Variants in OSBPL8 observed in about 807,000 individuals in gnomAD.
OSBPL8 encodes the protein oxysterol-binding protein-related protein 8.
A neutral mutation model predicts 125.5 loss-of-function variants in OSBPL8; 59 were observed. The ratio of observed to expected loss-of-function variants is 0.47; its 90% CI spans 0.38 to 0.58. The LOEUF is 0.58. Ranked by LOEUF, OSBPL8 falls within the 20% of genes least tolerant of loss-of-function variation. OSBPL8 has a pLI of 0.00. For missense variants in OSBPL8, 758 were observed against 1,047.8 expected (o/e 0.72, Z 3.82); for synonymous variants, 330 against 338.9 (o/e 0.97, Z 0.29).
At chr12:76,390,170 T>C in intron 11 of OSBPL8, 1 of 451,958 alleles carries the variant, frequency 2.2e-6, no homozygotes, top group Non-Finnish European at 3.9e-6. Context: ...CATCAAGCAA[T>C]ATCCTACTTC....
rs141075210 is a variant in OSBPL8, at chr12:76,410,344, C to T, written c.288+220G>A. 6.0e-4 allele frequency among the ~76,000 whole-genome samples: 92 copies of T among 152,174 alleles called. 1 individual carries two copies. The highest frequency in any genetic ancestry group is 2.1e-3 in the South Asian group (10 of 4,824). The stretch of plus-strand genomic sequence containing the variant: ...AGCAGAGATACCAGAAACAGTATTA[C>T]TCTGGCAGGAAAACTGGTTACCAAT... On this transcript the variant is annotated intron_variant, in intron 5 of 23. Coordinates refer to ENST00000261183, the MANE Select transcript of OSBPL8 (RefSeq NM_020841.5).
At chr12:76,469,414 G>A (rs1875849879) in intron 2 of OSBPL8, among the ~76,000 whole-genome samples, 1 of 152,074 alleles carries the variant, frequency 6.6e-6, no homozygotes, top group African/African-American at 2.4e-5. Context: ...TTATCAGGTC[G>A]GATTGCAGGG....
At chr12:76,466,732 G>T (rs1795893826) in intron 2 of OSBPL8, among the ~76,000 whole-genome samples, 2 of 152,174 alleles carry the variant, frequency 1.3e-5, no homozygotes, top group South Asian at 4.1e-4. Context: ...GCCGAAGCGG[G>T]TGGATCATTT....
chr12:76,550,354 A>G (rs1275980217), intron 1 of OSBPL8, among the ~76,000 whole-genome samples: 4 of 152,196 alleles, frequency 2.6e-5, no homozygotes, highest in Non-Finnish European at 5.9e-5. Context: ...ATCTAAGCAC[A>G]TTATCTGGCT....
intron 1 of OSBPL8, among the ~76,000 whole-genome samples, chr12:76,494,188 G>A (rs1330380880): frequency 6.6e-6 from 1 of 152,058 alleles, no homozygotes; most frequent in African/African-American, 2.4e-5. Context: ...CATTCCTTTG[G>A]TGGTGTTATG....
At chr12:76,533,577 A>G (rs906120107) in intron 1 of OSBPL8, among the ~76,000 whole-genome samples, 1 of 152,202 alleles carries the variant, frequency 6.6e-6, no homozygotes, top group Admixed American at 6.5e-5. Flanking sequence ...ACAAGTGATG[A>G]CCAGCCCTCC....
chr12:76,418,954 G>A (rs1205503948), intron 4 of OSBPL8, among the ~76,000 whole-genome samples: 1 of 151,970 alleles, frequency 6.6e-6, no homozygotes, highest in African/African-American at 2.4e-5. Flanking sequence ...ATAAATATTA[G>A]GCTGGGCATG....
chr12:76,411,128 A>C (rs759639431), intron 4 of OSBPL8, among the ~76,000 whole-genome samples: 4 of 152,196 alleles, frequency 2.6e-5, no homozygotes, highest in Non-Finnish European at 5.9e-5. Flanking sequence ...GTTTTTGCAC[A>C]TAGCATACAT....
intron 19 of OSBPL8, 103 bp downstream of exon 19, chr12:76,371,345 T>G: frequency 7.9e-7 from 1 of 1,259,534 alleles, no homozygotes; most frequent in Non-Finnish European, 1.1e-6. Flanking sequence ...ACTATTTTGC[T>G]GAATTAAGAT....
At chr12:76,481,894 T>C (rs1444690860) in intron 2 of OSBPL8, among the ~76,000 whole-genome samples, 1 of 152,232 alleles carries the variant, frequency 6.6e-6, no homozygotes, top group East Asian at 1.9e-4. Flanking sequence ...CTTCTTAGAA[T>C]ACGATTTAAG....
At chr12:76,477,537 AG>A (rs1876956441) in intron 2 of OSBPL8, among the ~76,000 whole-genome samples, 1 of 152,218 alleles carries the variant, frequency 6.6e-6, no homozygotes, top group Non-Finnish European at 1.5e-5. Flanking sequence ...AAAACAGTCA[AG>A]GTTCATTCAA....
intron 1 of OSBPL8, among the ~76,000 whole-genome samples, chr12:76,530,881 A>G (rs1193788557): frequency 2.0e-5 from 3 of 152,374 alleles, no homozygotes; most frequent in Non-Finnish European, 2.9e-5. Flanking sequence ...TAGACTGAAG[A>G]TCTTCCACTT....
chr12:76,426,631 G>C (rs1015713757), intron 4 of OSBPL8, among the ~76,000 whole-genome samples: 3 of 151,954 alleles, frequency 2.0e-5, no homozygotes, highest in Non-Finnish European at 4.4e-5. Context: ...TGGTATGCTG[G>C]GTACGTAAGT....
rs1490095983 is a variant in OSBPL8, at chr12:76,499,347, TATC to T, written c.-67-11732_-67-11730del. 9.0e-3 allele frequency among the ~76,000 whole-genome samples: 972 copies of T among 107,706 alleles called. 11 individuals are homozygous for T. The highest frequency in any genetic ancestry group is 0.032 in the African/African-American group (875 of 27,334). 70.7% of individuals were successfully genotyped at this position (107,706 alleles called of 152,430 possible). A position where few individuals can be genotyped will look rare whatever the true frequency, so the allele number is the denominator to read the frequency against. Reference sequence around the variant, plus strand: ...CTATCTATCTATCTATCTATCTATCTATCATCTATCTATCTATCTAATCTATCT... The same window carrying T: ...CTATCTATCTATCTATCTATCTATCTATCTATCTATCTATCTAATCTATCT... On this transcript the variant is annotated intron_variant, in intron 1 of 23. Coordinates refer to ENST00000261183, the MANE Select transcript of OSBPL8 (RefSeq NM_020841.5).
At chr12:76,520,577 C>A (rs1307688460) in intron 1 of OSBPL8, among the ~76,000 whole-genome samples, 1 of 152,118 alleles carries the variant, frequency 6.6e-6, no homozygotes, top group Non-Finnish European at 1.5e-5. Context: ...GGTTAACTGG[C>A]AGTTAGCCAA....
intron 4 of OSBPL8, among the ~76,000 whole-genome samples, chr12:76,439,668 G>A (rs1463485794): frequency 2.0e-5 from 3 of 152,056 alleles, no homozygotes; most frequent in African/African-American, 7.2e-5. Flanking sequence ...TTACTAATTA[G>A]GTTACTTTAA....
In OSBPL8 at chr12:76,363,578, C is replaced by A. The variant is rs571112709; in HGVS notation, c.2329-4767G>T. On this transcript the variant is annotated intron_variant, in intron 21 of 23. Transcript: ENST00000261183. Reference sequence around the variant, plus strand: ...AACGCAGAAGAAAACCTAGGAAATGCCATTCAGGACACAGGCATGGGCAAA... The same window carrying A: ...AACGCAGAAGAAAACCTAGGAAATGACATTCAGGACACAGGCATGGGCAAA... Among the ~76,000 whole-genome samples the A allele has an allele frequency of 7.9e-5, 12 of 152,282 alleles. No individual in the cohort carries two copies. In the South Asian group the frequency reaches 2.3e-3, roughly 29 times the overall value.
intron 1 of OSBPL8, among the ~76,000 whole-genome samples, chr12:76,513,182 G>T (rs1004220708): frequency 3.3e-5 from 5 of 151,764 alleles, no homozygotes; most frequent in African/African-American, 1.2e-4. Context: ...ATTTTGGTTC[G>T]TTTGCATTTG....
chr12:76,470,789 T>C (rs901515839), intron 2 of OSBPL8, among the ~76,000 whole-genome samples: 3 of 152,180 alleles, frequency 2.0e-5, no homozygotes, highest in Non-Finnish European at 2.9e-5. Flanking sequence ...AAGAATGCAG[T>C]TAGCAACTGT....
Sources: gnomAD v4.1 joint callset for allele counts (sites outside exome capture counted in the v4.1 genomes callset) on GRCh38, gnomAD v4.1.1 for gene constraint, MANE v1.5 for transcripts, NCBI Gene and HGNC (gene_info 2026-07-23, HGNC 2026-07-21) for gene names.